Variants in TRANK1 observed in about 807,000 individuals in gnomAD.
TRANK1 encodes the protein TPR and ankyrin repeat-containing protein 1.
TRANK1 carries 198 observed loss-of-function variants against 266.0 expected under a neutral mutation model. The ratio of observed to expected loss-of-function variants is 0.74; its 90% confidence interval spans 0.66 to 0.84. The LOEUF is 0.84. Among genes scored for constraint, TRANK1 ranks in the 40% least tolerant of loss-of-function variants. The pLI, the probability that TRANK1 is intolerant of heterozygous loss-of-function variation, is 0.00. For synonymous variants in TRANK1, 1,396 were observed against 1,384.1 expected, an observed-to-expected ratio of 1.01 and a Z score of -0.19; for missense variants, 3,326 against 3,634.6, an observed-to-expected ratio of 0.92 and a Z score of 2.18.
At chr3:36,885,722 T>C (rs1459462768) in intron 8 of TRANK1, among the ~76,000 whole-genome samples, 1 of 152,072 alleles carries the variant, frequency 6.6e-6, no homozygotes, top group African/African-American at 2.4e-5. Context: ...TTTATTTTTA[T>C]AGAGACAGGC....
intron 8 of TRANK1, among the ~76,000 whole-genome samples, chr3:36,877,992 TA>T (rs2079414024): frequency 1.3e-5 from 2 of 151,958 alleles, no homozygotes; most frequent in South Asian, 4.1e-4. Context: ...TAAGTTGAGG[TA>T]AAGAAAAAAC....
At chr3:36,851,218 G>A (rs2078980722) in intron 15 of TRANK1, 1 of 986,062 alleles carries the variant, frequency 1.0e-6, no homozygotes, top group Non-Finnish European at 1.2e-6. Context: ...CCATGCTAGA[G>A]GGGTCTCTCA....
chr3:36,881,282 T>A (rs1466436167), intron 8 of TRANK1, among the ~76,000 whole-genome samples: 1 of 151,904 alleles, frequency 6.6e-6, no homozygotes, highest in Non-Finnish European at 1.5e-5. Flanking sequence ...TAAAACCCCA[T>A]CTCTACTAAA....
intron 9 of TRANK1, among the ~76,000 whole-genome samples, chr3:36,870,658 C>T (rs928639036): frequency 7.2e-5 from 11 of 152,138 alleles, no homozygotes; most frequent in East Asian, 1.9e-4. Flanking sequence ...CCATTGAGTA[C>T]GGAAGGCTTT....
Position 36,857,788 on chromosome 3 carries a change from C to A in TRANK1, c.1934G>T (p.Trp645Leu). 1 of 1,613,998 alleles carries A rather than the reference C, an allele frequency of 6.2e-7. No homozygotes were observed. The highest frequency in any genetic ancestry group is 8.5e-7 in the Non-Finnish European group (1 of 1,179,894). Residue 645 changes from tryptophan (W) to leucine (L), a missense_variant, in exon 13 of 24, where the codon TGG (tryptophan) becomes TTG (leucine). By Grantham distance (61) the Trp-to-Leu change is moderately conservative (BLOSUM62 -2). Coordinates refer to ENST00000645898, the MANE Select transcript of TRANK1 (RefSeq NM_001329998.2). This position sits in a 1 kb window ranked among gnomAD's most constrained non-coding sequence, Gnocchi z 4.3. ...CCTGTTCTCCATCAGAGCTTTGTTC[C>A]AGGCCAAGAGCAGAGAGTCGTTCTT... ...IKKNDSLLLA[W>L]NKALMENRRR...
In TRANK1 at chr3:36,852,338, G is replaced by A; in HGVS notation, c.4557C>T (p.Leu1519=). 1.9e-6 allele frequency: 3 copies of A among 1,572,810 alleles called. No individual in the cohort carries two copies. The highest frequency in any genetic ancestry group is 2.6e-6 in the Non-Finnish European group (3 of 1,164,954). Residue 1519 remains leucine (L), a synonymous_variant, in exon 14 of 24, where the codon CTC becomes CTT. Coordinates refer to ENST00000645898, the MANE Select transcript of TRANK1 (RefSeq NM_001329998.2). ...YQNYRSHSGI[L]NLASGVVDLL... ...AATCCACCACTCCAGATGCCAGATT[G>A]AGGATTCCTGGAATGAAACAGAAAA...
chr3:36,902,121 A>C (rs922712403), intron 3 of TRANK1, among the ~76,000 whole-genome samples: 2 of 152,218 alleles, frequency 1.3e-5, no homozygotes, highest in African/African-American at 4.8e-5. Flanking sequence ...TAAGCTTTAA[A>C]AAAATAACCG....
rs2125546571 is a variant in TRANK1, at chr3:36,857,636, T to C, written c.2086A>G (p.Thr696Ala). The C allele has an allele frequency of 1.2e-6, 2 of 1,614,004 alleles. No individual in the cohort carries two copies. Among genetic ancestry groups the C allele is most frequent in the African/African-American group, 1.3e-5 (1 of 75,044 alleles). ...GGGACTGCACTTCCTTCAGGCAGTGTTCTGGCAGTGGCACCACATGGCACT... is the reference window on the plus strand; with the variant it reads ...GGGACTGCACTTCCTTCAGGCAGTGCTCTGGCAGTGGCACCACATGGCACT... The part of the protein sequence containing the change: ...KSVPCGATAR[T>A]LPEGSAVPDS... Residue 696 changes from threonine (T) to alanine (A), a missense_variant, in exon 13 of 24, where the codon ACA (threonine) becomes GCA (alanine). Transcript: ENST00000645898. The surrounding 1 kb of genome is among the most constrained non-coding windows in gnomAD (Gnocchi z 4.3).
chr3:36,879,675 T>TATATAAATATATAAATATATAA (rs1490956382), intron 8 of TRANK1, among the ~76,000 whole-genome samples: 1 of 96,630 alleles, frequency 1.0e-5, no homozygotes, highest in Non-Finnish European at 1.9e-5. Context: ...TATATATAAA[T>TATATAAATATATAAATATATAA]ATATAAATAT....
At chr3:36,945,180 A>T (rs962665036), upstream of TRANK1, 1 of 245,494 alleles carries the variant, frequency 4.1e-6, no homozygotes, top group Non-Finnish European at 7.8e-6. Flanking sequence ...AGCAAATGGT[A>T]TGGCTCTCGG....
chr3:36,880,978 A>G (rs1161242553), intron 8 of TRANK1, among the ~76,000 whole-genome samples: 1 of 141,128 alleles, frequency 7.1e-6, no homozygotes, highest in Non-Finnish European at 1.5e-5. Flanking sequence ...GCCACTATTC[A>G]CTGCCTCTCA....
chr3:36,846,396 G>A lies in TRANK1; in HGVS notation c.5043C>T (p.Asn1681=), dbSNP rs772874290. 2.5e-5 allele frequency: 41 copies of A among 1,611,958 alleles called. No individual in the cohort carries two copies. The East Asian group carries it at 5.3e-4, about 21-fold the overall frequency. Residue 1681 remains asparagine (N), a synonymous_variant, in exon 17 of 24, where the codon AAC becomes AAT. Coordinates refer to ENST00000645898, the MANE Select transcript of TRANK1 (RefSeq NM_001329998.2). The part of the protein sequence containing the change: ...MVNPEMYKLL[N]GELKQLYTAI... Reference sequence around the variant, plus strand: ...CGGTGTACAGCTGCTTCAGCTCTCCGTTGAGGAGCTAAAGATAACATTGAG... The same window carrying A: ...CGGTGTACAGCTGCTTCAGCTCTCCATTGAGGAGCTAAAGATAACATTGAG...
At chr3:36,912,447 T>G (rs1427678733) in intron 1 of TRANK1, among the ~76,000 whole-genome samples, 2 of 152,202 alleles carry the variant, frequency 1.3e-5, no homozygotes, top group African/African-American at 2.4e-5. Context: ...CACTCTACCC[T>G]GCACTTTCAG....
rs150596911 is a variant in TRANK1, at chr3:36,839,668, C to T, written c.5281-952G>A. On this transcript the variant is annotated intron_variant, in intron 18 of 23. Transcript: ENST00000645898. ...TATGTTCCTCAAAGAAGGGTTCCCACGCCTCTATTTCCAGGACAGTTGGTT... is the reference window on the plus strand; with the variant it reads ...TATGTTCCTCAAAGAAGGGTTCCCATGCCTCTATTTCCAGGACAGTTGGTT... 1.1e-3 allele frequency among the ~76,000 whole-genome samples: 168 copies of T among 152,322 alleles called. 1 individual carries two copies. The highest frequency in any genetic ancestry group is 3.4e-3 in the Middle Eastern group (1 of 294).
chr3:36,832,365 G>A lies in TRANK1; in HGVS notation c.7218C>T (p.Phe2406=). 6.2e-7 allele frequency: 1 copy of A among 1,614,056 alleles called. No individual in the cohort carries two copies. Among genetic ancestry groups the A allele is most frequent in the Non-Finnish European group, 8.5e-7 (1 of 1,179,898 alleles). ...DENMDKTHLC[F]IRLLENCIDQ... is the part of the protein sequence containing the mutation. ...CAATGCAATTCTCCAGAAGCCGGAT[G>A]AAGCACAGGTGGGTCTTGTCCATAT... The change falls in exon 22 of 24, where the codon TTC becomes TTT. Residue 2406 remains phenylalanine (F), a synonymous_variant. Coordinates refer to ENST00000645898, the MANE Select transcript of TRANK1 (RefSeq NM_001329998.2).
intron 1 of TRANK1, among the ~76,000 whole-genome samples, chr3:36,916,937 T>C (rs1008901035): frequency 2.0e-5 from 3 of 152,032 alleles, no homozygotes; most frequent in Non-Finnish European, 2.9e-5. Flanking sequence ...TGCCTCAGCC[T>C]CCCAGGTAGC....
chr3:36,924,161 G>A (rs1325929906), intron 1 of TRANK1, among the ~76,000 whole-genome samples: 1 of 152,172 alleles, frequency 6.6e-6, no homozygotes, highest in Non-Finnish European at 1.5e-5. Flanking sequence ...CACCAGGTGA[G>A]ATCACCCTTT....
At position 36,833,705 on chromosome 3, in the gene TRANK1, C is replaced by T. The variant is rs1488384516; in HGVS notation, c.5878G>A (p.Gly1960Ser). Reference sequence around the variant, plus strand: ...AGCAGGGCAGCCTCTTCTCTCCTACCTTCCCTGTTCAGCAGGTCTGCAGCT... The same window carrying T: ...AGCAGGGCAGCCTCTTCTCTCCTACTTTCCCTGTTCAGCAGGTCTGCAGCT... ...AEAADLLNRE[G>S]RREEAALLMK... is the part of the protein sequence containing the mutation. The change falls in exon 22 of 24, where the codon GGT (glycine) becomes AGT (serine). Residue 1960 changes from glycine to serine, a missense_variant. Transcript: ENST00000645898. 1 of 1,614,012 alleles carries T rather than the reference C, an allele frequency of 6.2e-7. No homozygotes were observed. Among genetic ancestry groups the T allele is most frequent in the South Asian group, 1.1e-5 (1 of 91,082 alleles).
intron 16 of TRANK1, 43 bp downstream of exon 16, chr3:36,847,157 C>A (rs781065556): frequency 1.3e-6 from 2 of 1,572,846 alleles, no homozygotes; most frequent in African/African-American, 1.3e-5. Context: ...TTTTTCACTA[C>A]TTCCATGTCA....
Sources: allele counts gnomAD v4.1 joint callset (sites outside exome capture counted in the v4.1 genomes callset), GRCh38; gene constraint gnomAD v4.1.1; non-coding constraint Gnocchi (gnomAD v3.1); transcripts MANE v1.5; gene names NCBI Gene and HGNC (gene_info 2026-07-23, HGNC 2026-07-21).